The following TPRG1 variants were observed in gnomAD, a reference collection of about 807,000 sequenced individuals.
The protein encoded by TPRG1 is tumor protein p63-regulated gene 1 protein.
Under a neutral mutation model 29.3 loss-of-function variants are expected in TPRG1, and 29 were observed. The ratio of observed to expected loss-of-function variants is 0.99; its 90% confidence interval spans 0.74 to 1.35. The LOEUF is 1.35. Ranked by LOEUF, TPRG1 falls within the 40% of genes most tolerant of loss-of-function variation. The pLI is 0.00. For missense variants in TPRG1, 327 were observed against 335.0 expected (o/e 0.98, Z 0.19); for synonymous variants, 130 against 116.8 (o/e 1.11, Z -0.73).
intron 4 of TPRG1, among the ~76,000 whole-genome samples, chr3:189,244,038 G>T (rs762626881): frequency 6.6e-6 from 1 of 151,950 alleles, no homozygotes; most frequent in South Asian, 2.1e-4. Context: ...ATATTTTTAG[G>T]TATCTTTATA....
chr3:189,015,528 A>G (rs1712882969), intron 3 of TPRG1, among the ~76,000 whole-genome samples: 1 of 152,206 alleles, frequency 6.6e-6, no homozygotes. Flanking sequence ...AATGGGGAAA[A>G]TGCCCCCAGT....
chr3:189,167,194 G>T (rs545013591), upstream of TPRG1, among the ~76,000 whole-genome samples: 5 of 152,236 alleles, frequency 3.3e-5, no homozygotes, highest in African/African-American at 4.8e-5. Context: ...ACTTCCTCCT[G>T]AGCCCTGTGA....
At chr3:189,038,283 T>C (rs1171714647) in intron 4 of TPRG1, among the ~76,000 whole-genome samples, 7 of 152,122 alleles carry the variant, frequency 4.6e-5, no homozygotes, top group Non-Finnish European at 8.8e-5. Flanking sequence ...AAAATTTTAC[T>C]GCATTTATGC....
chr3:189,137,312 G>A (rs928847980), intron 3 of TPRG1, among the ~76,000 whole-genome samples: 28 of 149,552 alleles, frequency 1.9e-4, no homozygotes, highest in African/African-American at 3.2e-4. Context: ...GTGTGTGTGT[G>A]TGTGTGTGTG....
intron 3 of TPRG1, among the ~76,000 whole-genome samples, chr3:189,008,863 TTGA>T (rs1431436803): frequency 2.0e-5 from 3 of 152,152 alleles, no homozygotes; most frequent in Admixed American, 6.5e-5. Flanking sequence ...TTGTCTCTGT[TTGA>T]ATAGAGTTTT....
intron 5 of TPRG1, among the ~76,000 whole-genome samples, chr3:189,160,292 C>G (rs912837531): frequency 6.6e-6 from 1 of 152,094 alleles, no homozygotes; most frequent in African/African-American, 2.4e-5. Flanking sequence ...TCTCACATGG[C>G]AGTGAGGAGG....
At chr3:189,046,898 A>C (rs2152137395) in intron 4 of TPRG1, among the ~76,000 whole-genome samples, 1 of 152,324 alleles carries the variant, frequency 6.6e-6, no homozygotes, top group East Asian at 1.9e-4. Flanking sequence ...GAAAAACAAC[A>C]ACAACAACCA....
intron 1 of TPRG1, 183 bp from the exon 2 acceptor site, chr3:189,207,193 G>T: frequency 7.1e-6 from 7 of 983,868 alleles, no homozygotes; most frequent in Non-Finnish European, 8.4e-6. Context: ...TTGCAGGATT[G>T]TGGATGGTAT....
At chr3:189,062,306 G>T (rs193001894) in intron 4 of TPRG1, among the ~76,000 whole-genome samples, 6 of 152,102 alleles carry the variant, frequency 3.9e-5, no homozygotes, top group African/African-American at 1.4e-4. Flanking sequence ...GACTGAGGAG[G>T]AAGAGGATCA....
At chr3:189,293,604 C>T (rs1191044438) in intron 4 of TPRG1, among the ~76,000 whole-genome samples, 1 of 152,176 alleles carries the variant, frequency 6.6e-6, no homozygotes, top group Non-Finnish European at 1.5e-5. Context: ...GCATCAGTGT[C>T]TTCTCACTCA....
At chr3:189,086,828 G>A (rs1389209687) in intron 4 of TPRG1, among the ~76,000 whole-genome samples, 1 of 152,146 alleles carries the variant, frequency 6.6e-6, no homozygotes, top group Non-Finnish European at 1.5e-5. Context: ...CCCTACAAAG[G>A]ACATGAAGTC....
At chr3:189,239,625 AAAG>A (rs1163937982) in intron 4 of TPRG1, among the ~76,000 whole-genome samples, 3 of 152,200 alleles carry the variant, frequency 2.0e-5, no homozygotes, top group African/African-American at 7.2e-5. Context: ...GGAGTTAGCC[AAAG>A]AAGGAGAACC....
At chr3:189,076,499 T>G (rs1457384383) in intron 4 of TPRG1, among the ~76,000 whole-genome samples, 1 of 152,098 alleles carries the variant, frequency 6.6e-6, no homozygotes, top group Non-Finnish European at 1.5e-5. Flanking sequence ...TATCATCTTT[T>G]AAAAATATGT....
intron 5 of TPRG1, among the ~76,000 whole-genome samples, chr3:189,151,421 A>G (rs1428028101): frequency 6.6e-6 from 1 of 152,194 alleles, no homozygotes; most frequent in Non-Finnish European, 1.5e-5. Flanking sequence ...GACCCTAAAT[A>G]TAGCTAAAAC....
intron 4 of TPRG1, among the ~76,000 whole-genome samples, chr3:189,081,594 A>G (rs1253572599): frequency 1.3e-5 from 2 of 152,256 alleles, no homozygotes; most frequent in African/African-American, 4.8e-5. Context: ...ATAAAAATAC[A>G]GACCAAGAAA....
At chr3:189,312,935 T>C (rs564568019) in intron 5 of TPRG1, 11 of 152,304 alleles carry the variant, frequency 7.2e-5, no homozygotes, top group Admixed American at 7.2e-4. Flanking sequence ...CACACGAACA[T>C]GATAGACGGT....
At chr3:189,212,567 AT>A (rs5855243) in intron 2 of TPRG1, among the ~76,000 whole-genome samples, 77,330 of 150,392 alleles carry the variant, frequency 0.51, 20,011 homozygotes, top group South Asian at 0.64. Context: ...AAAAAAGATG[AT>A]TTTTTTTTTT....
intron 3 of TPRG1, among the ~76,000 whole-genome samples, chr3:189,007,762 T>C (rs1481958680): frequency 1.5e-5 from 2 of 137,854 alleles, no homozygotes; most frequent in African/African-American, 5.9e-5. Flanking sequence ...ATGGATGAAA[T>C]TGGAAACCAT....
intron 4 of TPRG1, among the ~76,000 whole-genome samples, chr3:189,294,329 G>A (rs1719515504): frequency 6.6e-6 from 1 of 152,248 alleles, no homozygotes; most frequent in East Asian, 1.9e-4. Flanking sequence ...TTCTTTCTTG[G>A]AGCCAATTCC....
Sources: gnomAD v4.1 joint callset for allele counts (sites outside exome capture counted in the v4.1 genomes callset) on GRCh38, gnomAD v4.1.1 for gene constraint, MANE v1.5 for transcripts, NCBI Gene and HGNC (gene_info 2026-07-23, HGNC 2026-07-21) for gene names.